Variants in ADGRB3 observed in about 807,000 individuals in gnomAD.
ADGRB3 encodes the protein brain-specific angiogenesis inhibitor 3.
Under a neutral mutation model 193.4 loss-of-function variants are expected in ADGRB3, and 37 were observed. The observed-to-expected ratio is 0.19, with a 90% confidence interval of 0.15 to 0.25. The LOEUF is 0.25. Ranked by LOEUF, ADGRB3 falls within the 10% of genes least tolerant of loss-of-function variation. The pLI is 1.00. For missense variants in ADGRB3, 1,637 were observed against 1,852.9 expected (o/e 0.88, Z 2.14); for synonymous variants, 690 against 644.2 (o/e 1.07, Z -1.08).
At chr6:68,989,700 C>A (rs542752023) in intron 10 of ADGRB3, among the ~76,000 whole-genome samples, 4 of 152,126 alleles carry the variant, frequency 2.6e-5, no homozygotes, top group Admixed American at 2.0e-4. Flanking sequence ...AGTAGTAGAA[C>A]CACAATTTAA....
intron 3 of ADGRB3, among the ~76,000 whole-genome samples, chr6:68,851,687 A>T (rs560070155): frequency 2.0e-5 from 3 of 151,876 alleles, no homozygotes; most frequent in Non-Finnish European, 3.0e-5. Context: ...GTAAAATTTA[A>T]AAGAATCCTA....
At chr6:68,741,112 C>T (rs1765972102) in intron 3 of ADGRB3, among the ~76,000 whole-genome samples, 2 of 151,958 alleles carry the variant, frequency 1.3e-5, no homozygotes, top group African/African-American at 4.8e-5. Context: ...AAAAATGAAA[C>T]AAATGCATGC....
chr6:69,159,673 C>G (rs980577487), intron 17 of ADGRB3, among the ~76,000 whole-genome samples: 1 of 152,048 alleles, frequency 6.6e-6, no homozygotes, highest in Non-Finnish European at 1.5e-5. Flanking sequence ...TTGATTTTAT[C>G]TATATTTGTT....
chr6:69,365,610 A>C (rs1437183070), intron 29 of ADGRB3, among the ~76,000 whole-genome samples: 1 of 152,102 alleles, frequency 6.6e-6, no homozygotes, highest in African/African-American at 2.4e-5. Flanking sequence ...TAGATAGTAC[A>C]TTACAAAATG....
At chr6:69,031,063 T>TTTTTTTTTC (rs1562128941) in intron 13 of ADGRB3, among the ~76,000 whole-genome samples, 6 of 46,074 alleles carry the variant, frequency 1.3e-4, no homozygotes, top group Non-Finnish European at 1.8e-4. Flanking sequence ...TCTCTTCTCT[T>TTTTTTTTTC]CTCTTCTCTT....
In ADGRB3 at chr6:68,943,829, G is replaced by C; in HGVS notation, c.1031-1G>C. ...GTTGAAGCTTCTTTGCTTTATTACA[G>C]TACACGGAGTATGGGAGGAATGGTC... On this transcript the variant is annotated splice_acceptor_variant, in intron 5 of 31. Coordinates refer to ENST00000370598, the MANE Select transcript of ADGRB3 (RefSeq NM_001704.3). LOFTEE classifies it high-confidence loss of function. 6.2e-7 allele frequency: 1 copy of C among 1,610,912 alleles called. No individual in the cohort carries two copies. The highest frequency in any genetic ancestry group is 8.5e-7 in the Non-Finnish European group (1 of 1,177,886).
At chr6:69,046,674 A>G (rs1352185309) in intron 13 of ADGRB3, among the ~76,000 whole-genome samples, 1 of 152,186 alleles carries the variant, frequency 6.6e-6, no homozygotes, top group Non-Finnish European at 1.5e-5. Context: ...ATGACTAATC[A>G]CCTGAAAGAA....
Position 69,361,147 on chromosome 6 carries a change from G to A in ADGRB3, c.3874G>A (p.Ala1292Thr), listed in dbSNP as rs774444033. 1 of 1,612,834 alleles carries A rather than the reference G, an allele frequency of 6.2e-7. No individual in the cohort carries two copies. The highest frequency in any genetic ancestry group is 8.5e-7 in the Non-Finnish European group (1 of 1,179,298). ...YLCTDDNLRG[A>T]DMDIVHPQER... ...ATGTACGGATGATAATTTGAGAGGGGCTGACATGGACATAGTCCATCCTCA... is the reference window on the plus strand; with the variant it reads ...ATGTACGGATGATAATTTGAGAGGGACTGACATGGACATAGTCCATCCTCA... Residue 1292 changes from alanine (A) to threonine (T), a missense_variant, in exon 29 of 32, where the codon GCT (alanine) becomes ACT (threonine). This residue lies in a region of ADGRB3 where 368 missense variants were observed against 367.4 expected (regional missense o/e 1.00). Coordinates refer to ENST00000370598, the MANE Select transcript of ADGRB3 (RefSeq NM_001704.3).
intron 20 of ADGRB3, among the ~76,000 whole-genome samples, chr6:69,265,408 C>A (rs750074888): frequency 1.3e-5 from 2 of 151,872 alleles, no homozygotes; most frequent in Non-Finnish European, 2.9e-5. Flanking sequence ...ATTAGTCTGA[C>A]TAAAACTGAT....
At chr6:68,958,533 T>G (rs1169723662) in intron 8 of ADGRB3, among the ~76,000 whole-genome samples, 1 of 152,156 alleles carries the variant, frequency 6.6e-6, no homozygotes, top group Non-Finnish European at 1.5e-5. Context: ...ATAGTACTGC[T>G]GCAATCAAAT....
At chr6:69,248,805 G>A (rs75388210) in intron 20 of ADGRB3, among the ~76,000 whole-genome samples, 14,038 of 152,218 alleles carry the variant, frequency 0.092, 702 homozygotes, top group Middle Eastern at 0.23. Context: ...TGTAAGGTGA[G>A]GCCAGCCTAT....
At chr6:68,923,658 T>G (rs2150243325) in intron 3 of ADGRB3, among the ~76,000 whole-genome samples, 2 of 152,190 alleles carry the variant, frequency 1.3e-5, no homozygotes, top group South Asian at 4.1e-4. Flanking sequence ...CACTGCACTG[T>G]TATAATAAAT....
At chr6:68,722,953 CCA>C (rs1407387163) in intron 3 of ADGRB3, among the ~76,000 whole-genome samples, 1 of 151,478 alleles carries the variant, frequency 6.6e-6, no homozygotes, top group Non-Finnish European at 1.5e-5. Flanking sequence ...AGCAAAAAGC[CCA>C]CAAAGTCATG....
At chr6:69,245,420 G>A (rs949562716) in intron 20 of ADGRB3, among the ~76,000 whole-genome samples, 1 of 151,860 alleles carries the variant, frequency 6.6e-6, no homozygotes, top group African/African-American at 2.4e-5. Context: ...TGCTTTTCTT[G>A]TAATAATATA....
intron 8 of ADGRB3, among the ~76,000 whole-genome samples, chr6:68,972,676 G>C (rs540411310): frequency 5.9e-5 from 9 of 152,142 alleles, no homozygotes; most frequent in Admixed American, 2.0e-4. Flanking sequence ...CTCCAAAAGG[G>C]CTTAATAAAT....
At chr6:69,279,403 G>A (rs1406625365) in intron 20 of ADGRB3, among the ~76,000 whole-genome samples, 1 of 151,556 alleles carries the variant, frequency 6.6e-6, no homozygotes, top group Non-Finnish European at 1.5e-5. Context: ...TACCCAACAT[G>A]TATTGTTTTC....
At chr6:69,224,154 A>G (rs1765958315) in intron 17 of ADGRB3, among the ~76,000 whole-genome samples, 1 of 151,984 alleles carries the variant, frequency 6.6e-6, no homozygotes, top group African/African-American at 2.4e-5. Context: ...TAAATGTATC[A>G]TATTTGAGAT....
chr6:69,203,402 G>C (rs1272373450), intron 17 of ADGRB3, among the ~76,000 whole-genome samples: 4 of 151,494 alleles, frequency 2.6e-5, no homozygotes, highest in Admixed American at 1.3e-4. Context: ...CCTTTATCTT[G>C]TTCTTCTTTC....
At chr6:68,811,620 C>T (rs992989660) in intron 3 of ADGRB3, among the ~76,000 whole-genome samples, 1 of 151,982 alleles carries the variant, frequency 6.6e-6, no homozygotes, top group African/African-American at 2.4e-5. Flanking sequence ...AGGCATACAC[C>T]ACCATGCCTG....
Sources: gnomAD v4.1 joint callset for allele counts (sites outside exome capture counted in the v4.1 genomes callset) on GRCh38, gnomAD v4.1.1 for gene constraint, gnomAD v4.1.1 regional missense constraint, MANE v1.5 for transcripts, NCBI Gene and HGNC (gene_info 2026-07-23, HGNC 2026-07-21) for gene names.